Variants in CCDC7 observed in about 807,000 individuals in gnomAD.
The protein encoded by CCDC7 is coiled-coil domain-containing protein 7.
Under a neutral mutation model 196.9 loss-of-function variants are expected in CCDC7, and 183 were observed. The ratio of observed to expected loss-of-function variants is 0.93; its 90% CI spans 0.82 to 1.05. The LOEUF (loss-of-function observed/expected upper bound fraction) is 1.05. Ranked by LOEUF, CCDC7 falls within the 50% of genes least tolerant of loss-of-function variation. The pLI is 0.00. For synonymous variants in CCDC7, 525 were observed against 484.6 expected (o/e 1.08, Z -1.10); for missense variants, 1,540 against 1,482.2 (o/e 1.04, Z -0.64).
At chr10:32,658,632 G>T (rs1414191100) in intron 20 of CCDC7, among the ~76,000 whole-genome samples, 1 of 152,148 alleles carries the variant, frequency 6.6e-6, no homozygotes, top group African/African-American at 2.4e-5. Flanking sequence ...CAAATGAATA[G>T]ATAAAAATGT....
At chr10:32,833,945 C>T (rs2092411490) in intron 32 of CCDC7, among the ~76,000 whole-genome samples, 1 of 152,198 alleles carries the variant, frequency 6.6e-6, no homozygotes, top group Admixed American at 6.6e-5. Context: ...ATTTCACCCA[C>T]AAAACTTGAG....
chr10:32,537,925 T>A (rs541235459), intron 11 of CCDC7, among the ~76,000 whole-genome samples: 12 of 152,292 alleles, frequency 7.9e-5, no homozygotes, highest in Non-Finnish European at 1.5e-4. Context: ...GTTGGGTATG[T>A]GATGCCTCTA....
At chr10:32,711,216 A>T (rs533564192) in intron 24 of CCDC7, among the ~76,000 whole-genome samples, 1 of 151,666 alleles carries the variant, frequency 6.6e-6, no homozygotes, top group Non-Finnish European at 1.5e-5. Context: ...GTGTGTGTGT[A>T]TATATATATG....
chr10:32,619,183 G>T (rs182601674), intron 18 of CCDC7, among the ~76,000 whole-genome samples: 57 of 152,106 alleles, frequency 3.7e-4, no homozygotes, highest in Admixed American at 1.6e-3. Flanking sequence ...AAATAAAAAT[G>T]TAATGTTAAT....
At chr10:32,574,331 T>A in intron 16 of CCDC7, 8 of 564,418 alleles carry the variant, frequency 1.4e-5, no homozygotes, top group African/African-American at 2.0e-5. Context: ...TATAATATAT[T>A]ACATATTATA....
At chr10:32,612,476 A>G (rs545754478) in intron 18 of CCDC7, among the ~76,000 whole-genome samples, 1 of 152,212 alleles carries the variant, frequency 6.6e-6, no homozygotes, top group African/African-American at 2.4e-5. Context: ...GTGGTGAGAG[A>G]GGGCATCCTT....
intron 26 of CCDC7, among the ~76,000 whole-genome samples, chr10:32,728,440 T>A (rs2083438039): frequency 6.6e-6 from 1 of 152,138 alleles, no homozygotes; most frequent in African/African-American, 2.4e-5. Flanking sequence ...TATACTGTAA[T>A]TAATATCATA....
chr10:32,851,735 A>T, intron 39 of CCDC7, 72 bp from the exon 41 acceptor site: 1 of 1,386,888 alleles, frequency 7.2e-7, no homozygotes, highest in Non-Finnish European at 1.0e-6. Context: ...GTGCATATAT[A>T]CTGTGTGAGT....
intron 18 of CCDC7, among the ~76,000 whole-genome samples, chr10:32,585,099 A>G (rs1409793699): frequency 1.3e-5 from 2 of 149,636 alleles, no homozygotes; most frequent in African/African-American, 4.9e-5. Context: ...TTTGAGACAG[A>G]GTCTTGCTCT....
At chr10:32,533,410 A>C (rs546047751) in intron 11 of CCDC7, among the ~76,000 whole-genome samples, 1 of 152,222 alleles carries the variant, frequency 6.6e-6, no homozygotes, top group South Asian at 2.1e-4. Context: ...ACTTCATAAT[A>C]GATTTATGAG....
At chr10:32,467,050 A>G (rs2036940630) in intron 5 of CCDC7, among the ~76,000 whole-genome samples, 1 of 149,298 alleles carries the variant, frequency 6.7e-6, no homozygotes, top group African/African-American at 2.5e-5. Context: ...TTTTCATATG[A>G]TTGTTGGCCC....
intron 15 of CCDC7, among the ~76,000 whole-genome samples, chr10:32,568,099 C>G (rs1379603135): frequency 6.6e-6 from 1 of 150,830 alleles, no homozygotes; most frequent in Non-Finnish European, 1.5e-5. Context: ...CTCCAACTCC[C>G]TGGTTCAAGG....
intron 11 of CCDC7, among the ~76,000 whole-genome samples, chr10:32,541,802 T>C (rs887984376): frequency 2.6e-5 from 4 of 152,194 alleles, no homozygotes; most frequent in Non-Finnish European, 5.9e-5. Flanking sequence ...CCAGGGGGAT[T>C]CTCCCACTCC....
chr10:32,845,487 C>T, intron 34 of CCDC7, 56 bp from the exon 36 acceptor site: 2 of 1,425,270 alleles, frequency 1.4e-6, no homozygotes, highest in Non-Finnish European at 2.0e-6. Flanking sequence ...AAAACACACA[C>T]AAGTATGGTA....
chr10:32,635,010 A>G (rs1302686882), intron 19 of CCDC7, 47 bp from the exon 21 acceptor site: 1 of 397,734 alleles, frequency 2.5e-6, no homozygotes, highest in East Asian at 3.6e-5. Flanking sequence ...ATTGCTGATT[A>G]CTTGACATAT....
intron 18 of CCDC7, among the ~76,000 whole-genome samples, chr10:32,632,745 C>A (rs1449280356): frequency 6.6e-6 from 1 of 152,032 alleles, no homozygotes; most frequent in African/African-American, 2.4e-5. Context: ...TTTGTGAATT[C>A]CTCAAATCTC....
At chr10:32,663,657 TAC>T (rs1213235929) in intron 20 of CCDC7, among the ~76,000 whole-genome samples, 1 of 152,120 alleles carries the variant, frequency 6.6e-6, no homozygotes, top group Non-Finnish European at 1.5e-5. Context: ...TTATAATATA[TAC>T]CTTTTTATTA....
At chr10:32,746,871 C>T (rs553521256) in intron 28 of CCDC7, among the ~76,000 whole-genome samples, 13 of 152,232 alleles carry the variant, frequency 8.5e-5, no homozygotes, top group Middle Eastern at 3.2e-3. Flanking sequence ...AGCTGGCATG[C>T]GCACACAAGG....
At position 32,840,208 on chromosome 10, in the gene CCDC7, A is replaced by C. The variant is rs756862232; in HGVS notation, c.3353-5035A>C. ...AAAAAATGCAAAAGATAAATGAAAC[A>C]AAAAGCTGGTTATTTGAAAAGATAA... On this transcript the variant is annotated intron_variant, in intron 33 of 41. Coordinates refer to ENST00000639629, the Ensembl canonical transcript of CCDC7. Among the ~76,000 whole-genome samples the C allele has an allele frequency of 5.9e-5, 9 of 151,716 alleles. No individual in the cohort carries two copies. The South Asian group carries it at 6.2e-4, about 10-fold the overall frequency.
Sources: allele counts gnomAD v4.1 joint callset (sites outside exome capture counted in the v4.1 genomes callset), GRCh38; gene constraint gnomAD v4.1.1; transcripts MANE v1.5; gene names NCBI Gene and HGNC (gene_info 2026-07-23, HGNC 2026-07-21).